Variants in TENM1 observed in about 807,000 individuals in gnomAD.
TENM1 encodes the protein teneurin-1.
In TENM1, 35 loss-of-function variants were observed where a neutral mutation model predicts 174.8. The ratio of observed to expected loss-of-function variants is 0.20; its 90% CI spans 0.15 to 0.27. TENM1 has a LOEUF of 0.27. Among genes scored for constraint, TENM1 ranks in the 10% least tolerant of loss-of-function variants. The pLI, the probability that TENM1 is intolerant of heterozygous loss-of-function variation, is 1.00. For missense variants in TENM1, 1,633 were observed against 2,130.1 expected (o/e 0.77, Z 4.59); for synonymous variants, 781 against 798.7 (o/e 0.98, Z 0.37).
chrX:124,557,947 GT>G (rs1289170999), intron 14 of TENM1, among the ~76,000 whole-genome samples: 1 of 111,901 alleles, frequency 8.9e-6, no homozygotes, highest in African/African-American at 3.2e-5. Flanking sequence ...ACCATAGTAA[GT>G]TTTTTCCTCC....
intron 3 of TENM1, among the ~76,000 whole-genome samples, chrX:124,846,198 T>C (rs1428017650): frequency 9.0e-6 from 1 of 110,526 alleles, no homozygotes; most frequent in Non-Finnish European, 1.9e-5. Context: ...TTTCTTTGAT[T>C]GGGAAGAAAA....
intron 11 of TENM1, among the ~76,000 whole-genome samples, chrX:124,616,311 T>C (rs915448546): frequency 1.8e-5 from 2 of 112,897 alleles, no homozygotes; most frequent in African/African-American, 6.4e-5. Flanking sequence ...TGAACAAAAG[T>C]TGATAGCCTC....
intron 27 of TENM1, among the ~76,000 whole-genome samples, chrX:124,402,125 C>A (rs756514979): frequency 8.9e-6 from 1 of 112,409 alleles, no homozygotes; most frequent in African/African-American, 3.2e-5. Flanking sequence ...TTGGGCAAAT[C>A]ACTTAACCTA....
intron 3 of TENM1, among the ~76,000 whole-genome samples, chrX:124,881,994 G>T (rs929546671): frequency 1.8e-5 from 2 of 112,256 alleles, no homozygotes; most frequent in South Asian, 7.3e-4. Context: ...CTCCCGAAGT[G>T]CTGGGATTAC....
chrX:124,896,158 G>C, exon 2 of TENM1: 1 of 1,211,442 alleles, frequency 8.3e-7, no homozygotes, highest in Non-Finnish European at 1.1e-6. Context: ...CCCATCTCTA[G>C]CTGGTAGCCA....
At chrX:124,866,928 C>T (rs2057019479) in intron 3 of TENM1, among the ~76,000 whole-genome samples, 2 of 110,904 alleles carry the variant, frequency 1.8e-5, no homozygotes, top group Non-Finnish European at 3.8e-5. Flanking sequence ...TACATATAAC[C>T]TACCAAGATT....
chrX:124,393,143 AG>A (rs2060299518), intron 27 of TENM1, among the ~76,000 whole-genome samples: 1 of 111,508 alleles, frequency 9.0e-6, no homozygotes, highest in African/African-American at 3.3e-5. Flanking sequence ...TCCTGATTCA[AG>A]GGATCTTGAA....
rs1666464982 is a variant in TENM1, at chrX:124,586,025, T to C, written c.2078-20465A>G. 2.7e-5 allele frequency among the ~76,000 whole-genome samples: 3 copies of C among 110,455 alleles called. No homozygotes were observed. In the South Asian group the frequency reaches 1.2e-3, roughly 42 times the overall value. On this transcript the variant is annotated intron_variant, in intron 11 of 31. Coordinates refer to ENST00000422452, the Ensembl canonical transcript of TENM1. Reference sequence around the variant, plus strand: ...CTCTGAATAGACCAATAACAGGCTCTGAAATTGTGGCAATAACCAATAGCT... The same window carrying C: ...CTCTGAATAGACCAATAACAGGCTCCGAAATTGTGGCAATAACCAATAGCT...
chrX:124,899,289 T>C (rs909232425), intron 1 of TENM1, among the ~76,000 whole-genome samples: 1 of 111,757 alleles, frequency 8.9e-6, no homozygotes, highest in African/African-American at 3.3e-5. Context: ...ACTTCTGGGC[T>C]CAGGTGATTC....
chrX:124,387,074 T>C (rs1486670927), intron 28 of TENM1, among the ~76,000 whole-genome samples: 1 of 106,231 alleles, frequency 9.4e-6, no homozygotes, highest in East Asian at 2.9e-4. Context: ...ACATACTAGA[T>C]GTCTTCCTAA....
chrX:124,423,625 T>C (rs755572599), intron 23 of TENM1, among the ~76,000 whole-genome samples: 3 of 110,025 alleles, frequency 2.7e-5, no homozygotes, highest in East Asian at 2.8e-4. Flanking sequence ...AAATGAACAG[T>C]AGGAGAAGAA....
At chrX:124,484,386 C>T (rs988841673) in intron 21 of TENM1, among the ~76,000 whole-genome samples, 2 of 111,725 alleles carry the variant, frequency 1.8e-5, no homozygotes, top group Middle Eastern at 4.7e-3. Context: ...AGTAACTATG[C>T]GTAGCCAACA....
At chrX:124,597,698 AC>A (rs2049931818) in intron 11 of TENM1, among the ~76,000 whole-genome samples, 1 of 110,903 alleles carries the variant, frequency 9.0e-6, no homozygotes, top group African/African-American at 3.3e-5. Flanking sequence ...AAGAAAAAGA[AC>A]CCTATCTCTC....
intron 3 of TENM1, among the ~76,000 whole-genome samples, chrX:124,755,843 T>G (rs1179480821): frequency 9.2e-6 from 1 of 108,543 alleles, no homozygotes; most frequent in Non-Finnish European, 1.9e-5. Context: ...TTGTAGAGTT[T>G]CTGCCGAGAG....
chrX:124,856,760 T>C (rs1398914107), intron 3 of TENM1, among the ~76,000 whole-genome samples: 1 of 111,299 alleles, frequency 9.0e-6, no homozygotes, highest in Non-Finnish European at 1.9e-5. Flanking sequence ...CTCTCTCCTA[T>C]AACAGAACTT....
chrX:124,924,909 G>A (rs1040396886), intron 1 of TENM1, among the ~76,000 whole-genome samples: 6 of 109,824 alleles, frequency 5.5e-5, no homozygotes, highest in South Asian at 4.0e-4. Context: ...ATGAACCACC[G>A]AACAAGCTAG....
intron 22 of TENM1, among the ~76,000 whole-genome samples, chrX:124,467,491 C>G (rs2061252530): frequency 9.0e-6 from 1 of 111,591 alleles, no homozygotes; most frequent in Non-Finnish European, 1.9e-5. Flanking sequence ...GTGATGGTCT[C>G]TACAGCTAAT....
intron 3 of TENM1, among the ~76,000 whole-genome samples, chrX:124,822,717 T>A (rs570358766): frequency 1.4e-4 from 16 of 111,907 alleles, no homozygotes; most frequent in East Asian, 2.8e-4. Flanking sequence ...TGTGCCTCTC[T>A]CAAGAAGTGC....
intron 31 of TENM1, among the ~76,000 whole-genome samples, 194 bp downstream of exon 34, chrX:124,382,476 T>TC (rs368337235): frequency 3.7e-4 from 41 of 111,446 alleles, no homozygotes; most frequent in African/African-American, 1.2e-3. Context: ...ATCTTTTTTT[T>TC]CCCCCAAAAC....
Sources: gnomAD v4.1 joint callset for allele counts (sites outside exome capture counted in the v4.1 genomes callset) on GRCh38, gnomAD v4.1.1 for gene constraint, MANE v1.5 for transcripts, NCBI Gene and HGNC (gene_info 2026-07-23, HGNC 2026-07-21) for gene names.